KAZN: variants seen among roughly 807,000 people sequenced by gnomAD.
The protein encoded by KAZN is kazrin.
KAZN carries 40 observed loss-of-function variants against 87.4 expected under a neutral mutation model. The ratio of observed to expected loss-of-function variants is 0.46; its 90% CI spans 0.36 to 0.60. The LOEUF (loss-of-function observed/expected upper bound fraction) is 0.60, where lower values mean the gene tolerates loss of function less well. Among genes scored for constraint, KAZN ranks in the 20% least tolerant of loss-of-function variants. KAZN has a pLI of 0.00. For synonymous variants in KAZN, 466 were observed against 458.3 expected (o/e 1.02, Z -0.22); for missense variants, 898 against 1,073.9 (o/e 0.84, Z 2.29).
At chr1:14,448,835 A>G (rs1283542369) in intron 2 of KAZN, among the ~76,000 whole-genome samples, 1 of 152,076 alleles carries the variant, frequency 6.6e-6, no homozygotes, top group African/African-American at 2.4e-5. Context: ...TTGCTTCTCA[A>G]CCCCCATGAC....
In KAZN at chr1:14,856,970, A is replaced by G. The variant is rs1650190701; in HGVS notation, c.227-103714A>G. ...ATAGGGGTTTCTGCAGAGGATAACA[A>G]TTTGCACTCGAACAGGAGAACATGG... On this transcript the variant is annotated intron_variant, in intron 1 of 14. Transcript: ENST00000376030. The surrounding 1 kb of genome is among the most constrained non-coding windows in gnomAD (Gnocchi z 5.2). Among the ~76,000 whole-genome samples the G allele has an allele frequency of 6.6e-6, 1 of 152,180 alleles. No individual in the cohort carries two copies. Among genetic ancestry groups the G allele is most frequent in the Non-Finnish European group, 1.5e-5 (1 of 68,036 alleles).
chr1:14,860,251 G>T (rs1244779047), intron 1 of KAZN, among the ~76,000 whole-genome samples: 1 of 151,766 alleles, frequency 6.6e-6, no homozygotes, highest in Non-Finnish European at 1.5e-5. Context: ...GAGTGCAGTG[G>T]CGTGATCTCA....
chr1:14,402,972 G>A (rs1663539579), intron 2 of KAZN, among the ~76,000 whole-genome samples: 1 of 151,988 alleles, frequency 6.6e-6, no homozygotes, highest in South Asian at 2.1e-4. Context: ...AAATTACAGT[G>A]CATGCCACCA....
chr1:14,879,466 A>C (rs1218942885), intron 1 of KAZN, among the ~76,000 whole-genome samples: 1 of 152,236 alleles, frequency 6.6e-6, no homozygotes, highest in Non-Finnish European at 1.5e-5. Flanking sequence ...AAATAGTTCT[A>C]AGATGTTATC....
intron 1 of KAZN, among the ~76,000 whole-genome samples, chr1:14,767,079 C>T (rs1644904001): frequency 6.6e-6 from 1 of 152,144 alleles, no homozygotes; most frequent in South Asian, 2.1e-4. Flanking sequence ...TCCTGATCAG[C>T]AGCGAATGGG....
At chr1:15,111,642 T>C (rs927416877) in intron 13 of KAZN, among the ~76,000 whole-genome samples, 1 of 152,210 alleles carries the variant, frequency 6.6e-6, no homozygotes, top group African/African-American at 2.4e-5. Flanking sequence ...GCCGGGCCTC[T>C]TGCCCCAAAT....
intron 1 of KAZN, among the ~76,000 whole-genome samples, chr1:14,053,722 G>A (rs1467211715): frequency 6.6e-6 from 1 of 152,174 alleles, no homozygotes; most frequent in African/African-American, 2.4e-5. Flanking sequence ...GACGAATACA[G>A]CTTTCCCTTG....
chr1:14,086,252 G>A (rs887890433), intron 1 of KAZN, among the ~76,000 whole-genome samples: 6 of 152,138 alleles, frequency 3.9e-5, no homozygotes, highest in Non-Finnish European at 7.4e-5. Flanking sequence ...TTGTTACATA[G>A]GTAAACGTGT....
chr1:14,004,114 A>C (rs1360340829), intron 1 of KAZN, among the ~76,000 whole-genome samples: 4 of 151,844 alleles, frequency 2.6e-5, no homozygotes, highest in Middle Eastern at 3.2e-3. Context: ...CCAAAAAAAA[A>C]GCAAATGTCC....
intron 1 of KAZN, among the ~76,000 whole-genome samples, chr1:14,796,555 C>T (rs959970979): frequency 2.0e-5 from 3 of 152,222 alleles, no homozygotes; most frequent in Non-Finnish European, 2.9e-5. Context: ...AGTCTGGAAT[C>T]GCTGGAGAGC....
intron 1 of KAZN, among the ~76,000 whole-genome samples, chr1:13,996,583 G>C (rs958226512): frequency 3.3e-5 from 5 of 152,232 alleles, no homozygotes; most frequent in Admixed American, 3.3e-4. Context: ...GGCTGTGGCA[G>C]ACTGCAGCCA....
intron 1 of KAZN, among the ~76,000 whole-genome samples, chr1:14,102,914 C>CTTTT (rs61116986): frequency 6.8e-6 from 1 of 146,296 alleles, no homozygotes; most frequent in African/African-American, 2.5e-5. Context: ...TAATCTCTCT[C>CTTTT]TTTTTTTTTT....
intron 2 of KAZN, among the ~76,000 whole-genome samples, chr1:14,577,160 A>G (rs912611188): frequency 1.3e-5 from 2 of 152,192 alleles, no homozygotes; most frequent in African/African-American, 2.4e-5. Context: ...AACCCCCTTT[A>G]ATCAGTAAGA....
In KAZN at chr1:14,916,784, C is replaced by A. The variant is rs560463859; in HGVS notation, c.227-43900C>A. On this transcript the variant is annotated intron_variant, in intron 1 of 14. Coordinates refer to ENST00000376030, the MANE Select transcript of KAZN (RefSeq NM_201628.3). Reference sequence around the variant, plus strand: ...AAAAATTAGCTGGGCATGGTGGTGGCACACCTGTGGTCCTAGGTACTTGGG... The same window carrying A: ...AAAAATTAGCTGGGCATGGTGGTGGAACACCTGTGGTCCTAGGTACTTGGG... Among the ~76,000 whole-genome samples the A allele has an allele frequency of 2.0e-5, 3 of 152,064 alleles. No homozygotes were observed. In the South Asian group the frequency reaches 6.3e-4, roughly 32 times the overall value.
At chr1:14,896,948 G>A (rs1655343088) in intron 1 of KAZN, among the ~76,000 whole-genome samples, 1 of 152,142 alleles carries the variant, frequency 6.6e-6, no homozygotes, top group African/African-American at 2.4e-5. Context: ...CTGTAAAATG[G>A]GGAGAGTAGC....
intron 2 of KAZN, among the ~76,000 whole-genome samples, chr1:14,463,240 C>G (rs1417222734): frequency 6.6e-6 from 1 of 152,124 alleles, no homozygotes; most frequent in South Asian, 2.1e-4. Context: ...TGTCATGGTG[C>G]TGGTGGGAGC....
chr1:14,043,612 GTT>G (rs57731348), intron 1 of KAZN, among the ~76,000 whole-genome samples: 187 of 150,566 alleles, frequency 1.2e-3, no homozygotes, highest in East Asian at 4.3e-3. Flanking sequence ...GTTATTTTCT[GTT>G]TTTTTTTTAA....
At chr1:14,630,142 C>T (rs910425457) in intron 1 of KAZN, among the ~76,000 whole-genome samples, 9 of 152,142 alleles carry the variant, frequency 5.9e-5, no homozygotes, top group African/African-American at 2.2e-4. Context: ...AATAATGGCT[C>T]TTCAAACAAA....
intron 1 of KAZN, among the ~76,000 whole-genome samples, chr1:14,033,420 C>T (rs1641410955): frequency 6.6e-6 from 1 of 152,160 alleles, no homozygotes; most frequent in African/African-American, 2.4e-5. Context: ...TTCCTGGAGA[C>T]AGTAAGGCAG....
Sources: allele counts gnomAD v4.1 joint callset (sites outside exome capture counted in the v4.1 genomes callset), GRCh38; gene constraint gnomAD v4.1.1; non-coding constraint Gnocchi (gnomAD v3.1); transcripts MANE v1.5; gene names NCBI Gene and HGNC (gene_info 2026-07-23, HGNC 2026-07-21).